PPDPFL: variants seen among roughly 807,000 people sequenced by gnomAD.
PPDPFL encodes the protein pancreatic progenitor cell differentiation and proliferation factor like, also known as pancreatic progenitor cell differentiation and proliferation factor-like protein.
A neutral mutation model predicts 12.6 loss-of-function variants in PPDPFL; 12 were observed. The observed-to-expected ratio is 0.95, with a 90% CI of 0.61 to 1.54. The LOEUF (loss-of-function observed/expected upper bound fraction) is 1.54, where lower values mean the gene tolerates loss of function less well. Ranked by LOEUF, PPDPFL falls within the 40% of genes most tolerant of loss-of-function variation. PPDPFL has a pLI of 0.00. For missense variants in PPDPFL, 114 were observed against 96.0 expected (o/e 1.19, Z -0.78); for synonymous variants, 24 against 32.7 (o/e 0.73, Z 0.91).
At chr8:49,060,448 G>C (rs950552431) in intron 1 of PPDPFL, among the ~76,000 whole-genome samples, 3 of 152,014 alleles carry the variant, frequency 2.0e-5, no homozygotes, top group East Asian at 1.9e-4. Context: ...CGAGTAGCTG[G>C]GATTACAGGC....
intron 4 of PPDPFL, chr8:49,074,663 G>C (rs1042670430): frequency 2.4e-5 from 36 of 1,515,482 alleles, no homozygotes; most frequent in Non-Finnish European, 3.0e-5. Context: ...TTCAGGAAAA[G>C]AATAACCATT....
upstream of PPDPFL, among the ~76,000 whole-genome samples, chr8:49,067,448 A>T (rs1032735130): frequency 7.2e-5 from 11 of 152,240 alleles, no homozygotes; most frequent in Admixed American, 6.5e-4. Flanking sequence ...ATAACCGCAG[A>T]TTAGAATAAG....
In PPDPFL at chr8:49,075,816, TTAAA is replaced by T. The variant is rs1295282658; in HGVS notation, c.*647_*650del. Reference sequence around the variant, plus strand: ...TGTATAGACTTTAAAATTTATGACTTTAAATAATATTTAATAACATGGAAAATTA... The same window carrying T: ...TGTATAGACTTTAAAATTTATGACTTTAATATTTAATAACATGGAAAATTA... On this transcript the variant is annotated 3_prime_UTR_variant, in exon 5 of 5. Coordinates refer to ENST00000522267, the MANE Select transcript of PPDPFL (RefSeq NM_001256597.2). The T allele has an allele frequency of 1.3e-5, 2 of 153,348 alleles. No homozygotes were observed. The highest frequency in any genetic ancestry group is 2.9e-5 in the Non-Finnish European group (2 of 68,812). The allele number at this position is 153,348 out of a possible 1,614,324, so 9.5% of individuals were successfully genotyped here.
chr8:49,067,111 TAAAC>T (rs1317485252), intron 1 of PPDPFL, among the ~76,000 whole-genome samples: 2 of 152,204 alleles, frequency 1.3e-5, no homozygotes, highest in Non-Finnish European at 2.9e-5. Context: ...ATATAAAATT[TAAAC>T]AAACAATTGA....
intron 1 of PPDPFL, among the ~76,000 whole-genome samples, chr8:49,055,729 A>C (rs1238703608): frequency 6.6e-6 from 1 of 152,046 alleles, no homozygotes; most frequent in Non-Finnish European, 1.5e-5. Context: ...TGACTGTCCA[A>C]AGTAAAACCC....
chr8:49,063,590 T>G (rs1808247209), intron 1 of PPDPFL, among the ~76,000 whole-genome samples: 1 of 151,968 alleles, frequency 6.6e-6, no homozygotes, highest in Non-Finnish European at 1.5e-5. Context: ...CATGGTGGTG[T>G]GCACCTGTAG....
chr8:49,071,423 T>A (rs4873308), upstream of PPDPFL, among the ~76,000 whole-genome samples: 1 of 151,844 alleles, frequency 6.6e-6, no homozygotes, highest in East Asian at 1.9e-4. Flanking sequence ...TTTGGGAGGC[T>A]GAGGCGGGTG....
At chr8:49,064,156 T>C (rs1392819530) in intron 1 of PPDPFL, among the ~76,000 whole-genome samples, 1 of 152,168 alleles carries the variant, frequency 6.6e-6, no homozygotes, top group Non-Finnish European at 1.5e-5. Flanking sequence ...CAGAGGCTCA[T>C]TCCCAGGTAC....
chr8:49,075,425 C>A lies in PPDPFL; in HGVS notation c.*252C>A. On this transcript the variant is annotated 3_prime_UTR_variant, in exon 5 of 5. Coordinates refer to ENST00000522267, the MANE Select transcript of PPDPFL (RefSeq NM_001256597.2). ...ATATAAAAAAAGTTTAGGCATTTTT[C>A]TCAACACAAAGACTATCGCTGGAAG... The A allele has an allele frequency of 1.4e-6, 1 of 722,474 alleles. No individual in the cohort carries two copies. The allele number at this position is 722,474 out of a possible 1,614,324, so 44.8% of individuals were successfully genotyped here. A position where few individuals can be genotyped will look rare whatever the true frequency, so the allele number is the denominator to read the frequency against.
intron 1 of PPDPFL, among the ~76,000 whole-genome samples, chr8:49,064,961 T>A (rs192152682): frequency 3.9e-5 from 6 of 152,300 alleles, no homozygotes; most frequent in Admixed American, 1.3e-4. Flanking sequence ...TAAAGGGTGT[T>A]CATGTTCCCA....
chr8:49,075,329 T>C lies in PPDPFL; in HGVS notation c.*156T>C, dbSNP rs1808476843. 6.2e-6 allele frequency: 9 copies of C among 1,450,548 alleles called. No individual in the cohort carries two copies. Among genetic ancestry groups the C allele is most frequent in the Non-Finnish European group, 7.8e-6 (8 of 1,031,182 alleles). The allele number at this position is 1,450,548 out of a possible 1,614,324, so 89.9% of individuals were successfully genotyped here. On this transcript the variant is annotated 3_prime_UTR_variant, in exon 5 of 5. Transcript: ENST00000522267. ...TTCAGCGCCCCAGCTATTCCAGGAC[T>C]CTTCTCCATTGTAAGAAGACAGAAA...
At position 49,075,134 on chromosome 8, in the gene PPDPFL, A is replaced by G. The variant is rs1362765477; in HGVS notation, c.234-18A>G. 2.5e-6 allele frequency: 4 copies of G among 1,612,388 alleles called. No individual in the cohort carries two copies. Among genetic ancestry groups the G allele is most frequent in the Non-Finnish European group, 2.5e-6 (3 of 1,179,084 alleles). Reference sequence around the variant, plus strand: ...TTTATTTATCCCCTCCTCTCTGACTACTATAAAATCAACCCAGATTACAGA... The same window carrying G: ...TTTATTTATCCCCTCCTCTCTGACTGCTATAAAATCAACCCAGATTACAGA... On this transcript the variant is annotated intron_variant, in intron 4 of 4. Coordinates refer to ENST00000522267, the MANE Select transcript of PPDPFL (RefSeq NM_001256597.2).
chr8:49,069,087 A>C (rs1808342244), upstream of PPDPFL, among the ~76,000 whole-genome samples: 1 of 152,240 alleles, frequency 6.6e-6, no homozygotes. Context: ...CTAATTAAAC[A>C]AACAGCACAA....
At chr8:49,063,736 A>T (rs1020245924) in intron 1 of PPDPFL, among the ~76,000 whole-genome samples, 7 of 152,092 alleles carry the variant, frequency 4.6e-5, no homozygotes, top group South Asian at 4.1e-4. Context: ...ATATATAAAA[A>T]ATGCATGAGT....
At chr8:49,058,006 G>A (rs1808138780) in intron 1 of PPDPFL, among the ~76,000 whole-genome samples, 1 of 152,098 alleles carries the variant, frequency 6.6e-6, no homozygotes, top group African/African-American at 2.4e-5. Context: ...GCATAGGGGA[G>A]ACAAATGCTG....
At chr8:49,072,707 T>G in intron 1 of PPDPFL, 80 bp from the exon 2 acceptor site, 1 of 637,946 alleles carries the variant, frequency 1.6e-6, no homozygotes, top group Non-Finnish European at 2.7e-6. Flanking sequence ...TGATAATACT[T>G]TGTAACAGTC....
intron 2 of PPDPFL, among the ~76,000 whole-genome samples, chr8:49,073,705 A>C (rs989639036): frequency 2.0e-5 from 3 of 152,160 alleles, no homozygotes; most frequent in African/African-American, 7.2e-5. Context: ...CTTTAAATAT[A>C]CATATATGTA....
At chr8:49,069,369 A>C (rs190622674), upstream of PPDPFL, among the ~76,000 whole-genome samples, 1 of 152,350 alleles carries the variant, frequency 6.6e-6, no homozygotes, top group East Asian at 1.9e-4. Context: ...TGTTATTCTC[A>C]AGTGCATAGA....
chr8:49,054,672 T>C (rs1808085879), intron 1 of PPDPFL, among the ~76,000 whole-genome samples: 1 of 152,120 alleles, frequency 6.6e-6, no homozygotes, highest in African/African-American at 2.4e-5. Flanking sequence ...CGTGTGTGTG[T>C]GTATACTCTT....
Sources: gnomAD v4.1 joint callset for allele counts (sites outside exome capture counted in the v4.1 genomes callset) on GRCh38, gnomAD v4.1.1 for gene constraint, MANE v1.5 for transcripts, NCBI Gene and HGNC (gene_info 2026-07-23, HGNC 2026-07-21) for gene names.